RUNX1T1: variants seen among roughly 807,000 people sequenced by gnomAD.
RUNX1T1 encodes protein CBFA2T1.
Under a neutral mutation model 62.8 loss-of-function variants are expected in RUNX1T1, and 4 were observed. That is an observed-to-expected ratio of 0.06 (90% CI 0.03 to 0.15). The LOEUF (loss-of-function observed/expected upper bound fraction) is 0.15. Among genes scored for constraint, RUNX1T1 ranks in the 10% least tolerant of loss-of-function variants. RUNX1T1 has a pLI of 1.00. For synonymous variants in RUNX1T1, 291 were observed against 286.0 expected (o/e 1.02, Z -0.18); for missense variants, 508 against 754.3 (o/e 0.67, Z 3.82).
chr8:91,991,175 T>C (rs1817597317), intron 6 of RUNX1T1, among the ~76,000 whole-genome samples: 1 of 150,652 alleles, frequency 6.6e-6, no homozygotes. Flanking sequence ...CATATCACAC[T>C]TTGGAAATAT....
At chr8:92,085,703 C>T (rs1052739859) in intron 1 of RUNX1T1, among the ~76,000 whole-genome samples, 2 of 152,108 alleles carry the variant, frequency 1.3e-5, no homozygotes, top group Non-Finnish European at 2.9e-5. Context: ...TGTTATCAGA[C>T]AAAACAAGAT....
intron 3 of RUNX1T1, among the ~76,000 whole-genome samples, chr8:92,012,305 A>G (rs1290123021): frequency 6.6e-6 from 1 of 152,110 alleles, no homozygotes; most frequent in Non-Finnish European, 1.5e-5. Flanking sequence ...TAGCTTTGGG[A>G]GGCCAAGGTG....
intron 9 of RUNX1T1, among the ~76,000 whole-genome samples, chr8:91,974,128 C>T (rs1209728974): frequency 6.6e-6 from 1 of 151,928 alleles, no homozygotes; most frequent in Non-Finnish European, 1.5e-5. Flanking sequence ...TTTAAAAACC[C>T]CCAAAACAGA....
upstream of RUNX1T1, among the ~76,000 whole-genome samples, chr8:92,100,202 C>T (rs952109497): frequency 6.6e-6 from 1 of 151,986 alleles, no homozygotes; most frequent in African/African-American, 2.4e-5. Context: ...CAGGTATTAA[C>T]GGACCACAGA....
chr8:92,101,220 G>A (rs949263895), upstream of RUNX1T1, among the ~76,000 whole-genome samples: 3 of 152,220 alleles, frequency 2.0e-5, no homozygotes, highest in East Asian at 5.8e-4. Flanking sequence ...TATAAGGAAT[G>A]CTTTGGTCAG....
At chr8:91,996,165 G>C (rs1004987224) in intron 5 of RUNX1T1, among the ~76,000 whole-genome samples, 1 of 151,942 alleles carries the variant, frequency 6.6e-6, no homozygotes, top group African/African-American at 2.4e-5. Context: ...AAGGATTTCT[G>C]AAAGTTTTAT....
chr8:92,023,003 T>C (rs550034545), intron 1 of RUNX1T1, among the ~76,000 whole-genome samples: 1 of 152,324 alleles, frequency 6.6e-6, no homozygotes, highest in African/African-American at 2.4e-5. Context: ...TGGGGGCAAA[T>C]TCTCCTTGTT....
intron 1 of RUNX1T1, among the ~76,000 whole-genome samples, chr8:92,029,442 G>A (rs988099758): frequency 6.6e-6 from 1 of 152,158 alleles, no homozygotes; most frequent in Non-Finnish European, 1.5e-5. Context: ...CAGAAGTATT[G>A]CTCAAGTTAA....
intron 1 of RUNX1T1, among the ~76,000 whole-genome samples, chr8:92,038,343 TC>T (rs1391453909): frequency 6.6e-6 from 1 of 151,934 alleles, no homozygotes; most frequent in Non-Finnish European, 1.5e-5. Context: ...GCATAAAAAA[TC>T]CTGAAGGCAG....
chr8:91,959,442 G>C (rs78145244), exon 11 of RUNX1T1: 2 of 117,964 alleles, frequency 1.7e-5, no homozygotes. Context: ...GTGTGTGTGT[G>C]TGTGTGTGTG....
intron 5 of RUNX1T1, among the ~76,000 whole-genome samples, chr8:91,998,588 T>C (rs1437975091): frequency 6.6e-6 from 1 of 152,184 alleles, no homozygotes; most frequent in Non-Finnish European, 1.5e-5. Context: ...GGGGGAGCCA[T>C]CTGAGCCTTC....
chr8:91,960,905 T>C (rs1810299348), intron 10 of RUNX1T1, among the ~76,000 whole-genome samples: 1 of 152,210 alleles, frequency 6.6e-6, no homozygotes, highest in African/African-American at 2.4e-5. Flanking sequence ...CAGAGATATA[T>C]CTGAGCAGAA....
intron 3 of RUNX1T1, among the ~76,000 whole-genome samples, chr8:92,012,050 C>T (rs1366310248): frequency 6.6e-6 from 1 of 152,162 alleles, no homozygotes; most frequent in Non-Finnish European, 1.5e-5. Context: ...TACAATATTG[C>T]TCCACCCACT....
rs1038292889 is a variant in RUNX1T1, at chr8:91,960,625, C to G, written c.1459-108G>C. On this transcript the variant is annotated intron_variant, in intron 10 of 10. Coordinates refer to ENST00000396218, the Ensembl canonical transcript of RUNX1T1. ...TGTAGCCTTATTTTCAAGAACTATA[C>G]AGTCAGGATGAAAAATCCAGGTGTT... 2.1e-5 allele frequency: 25 copies of G among 1,206,754 alleles called. No homozygotes were observed. The Admixed American group carries it at 5.3e-4, about 25-fold the overall frequency. 74.8% of individuals were successfully genotyped at this position (1,206,754 alleles called of 1,614,324 possible).
At chr8:92,074,615 C>CT (rs1419037514) in intron 2 of RUNX1T1, among the ~76,000 whole-genome samples, 1 of 152,126 alleles carries the variant, frequency 6.6e-6, no homozygotes, top group Non-Finnish European at 1.5e-5. Flanking sequence ...TAGATTTTTC[C>CT]TTTAAGATAT....
rs143072998 is a variant in RUNX1T1, at chr8:92,040,119, G to A, written c.7+22427C>T. The stretch of plus-strand genomic sequence containing the variant: ...CTCCAGCCCTGGCAATTCATACCAG[G>A]TCATGGTCTTCCCTGATTTTGAAAT... On this transcript the variant is annotated intron_variant, in intron 1 of 10. Transcript: ENST00000396218. Among the ~76,000 whole-genome samples the A allele has an allele frequency of 1.4e-4, 21 of 152,204 alleles. 1 individual carries two copies. The South Asian group carries it at 3.7e-3, about 27-fold the overall frequency.
chr8:92,060,553 A>ATATATATATATATATG, intron 1 of RUNX1T1, among the ~76,000 whole-genome samples: 12 of 63,938 alleles, frequency 1.9e-4, no homozygotes, highest in African/African-American at 4.0e-4. Context: ...ATATATATAT[A>ATATATATATATATATG]TGTGTGTGTG....
intron 1 of RUNX1T1, among the ~76,000 whole-genome samples, chr8:92,083,420 T>A (rs754250153): frequency 2.6e-4 from 39 of 152,116 alleles, no homozygotes; most frequent in South Asian, 2.3e-3. Flanking sequence ...AACAACCCCA[T>A]CAAAAAGTGT....
chr8:92,101,301 G>A (rs182843725), upstream of RUNX1T1, among the ~76,000 whole-genome samples: 57 of 152,232 alleles, frequency 3.7e-4, no homozygotes, highest in African/African-American at 1.3e-3. Flanking sequence ...ACAGGCTCTG[G>A]GCAGATTAAT....
Sources: allele counts gnomAD v4.1 joint callset (sites outside exome capture counted in the v4.1 genomes callset), GRCh38; gene constraint gnomAD v4.1.1; transcripts MANE v1.5; gene names NCBI Gene and HGNC (gene_info 2026-07-23, HGNC 2026-07-21).